The following CD109 variants were observed in gnomAD, a reference collection of about 807,000 sequenced individuals.
The protein encoded by CD109 is CD109 molecule, also known as CD109 antigen.
Under a neutral mutation model 165.8 loss-of-function variants are expected in CD109, and 149 were observed. The ratio of observed to expected loss-of-function variants is 0.90; its 90% CI spans 0.79 to 1.03. The LOEUF is 1.03. CD109 is among the 50% of genes least tolerant of loss of function. The pLI, the probability that CD109 is intolerant of heterozygous loss-of-function variation, is 0.00. For synonymous variants in CD109, 585 were observed against 592.1 expected (o/e 0.99, Z 0.18); for missense variants, 1,712 against 1,677.8 (o/e 1.02, Z -0.36).
intron 31 of CD109, among the ~76,000 whole-genome samples, chr6:73,819,708 G>A (rs12206630): frequency 2.3e-4 from 35 of 152,286 alleles, no homozygotes; most frequent in African/African-American, 8.4e-4. Context: ...TTGCTGTTTA[G>A]GAATTATCTT....
intron 2 of CD109, among the ~76,000 whole-genome samples, chr6:73,721,131 A>G (rs1253151762): frequency 6.6e-6 from 1 of 152,192 alleles, no homozygotes; most frequent in Admixed American, 6.5e-5. Context: ...ACCATGTTCA[A>G]TATCCTGTTA....
intron 5 of CD109, among the ~76,000 whole-genome samples, chr6:73,738,817 C>G (rs1008389667): frequency 2.6e-5 from 4 of 152,208 alleles, no homozygotes; most frequent in African/African-American, 9.7e-5. Context: ...CATTCTAGAG[C>G]CTTTCATCAT....
At position 73,782,823 on chromosome 6, in the gene CD109, C is replaced by T. The variant is rs756186815; in HGVS notation, c.2105+68C>T. On this transcript the variant is annotated intron_variant, in intron 18 of 32. Transcript: ENST00000287097. ...GTGTTTGTTTTAAATAAGCTTTGCC[C>T]GCTTTCTAATGTTTAAGTACAAACA... The T allele has an allele frequency of 4.2e-5, 63 of 1,492,732 alleles. 1 individual carries two copies. Among genetic ancestry groups the T allele is most frequent in the East Asian group, 1.6e-4 (7 of 43,964 alleles). 92.5% of individuals were successfully genotyped at this position (1,492,732 alleles called of 1,614,324 possible).
intron 15 of CD109, among the ~76,000 whole-genome samples, chr6:73,773,016 A>G (rs1221907011): frequency 6.6e-6 from 1 of 151,142 alleles, no homozygotes; most frequent in East Asian, 1.9e-4. Context: ...TGAATATAAT[A>G]GTATCTGTTA....
In CD109 at chr6:73,766,004, A is replaced by C. The variant is rs1773828216; in HGVS notation, c.1182A>C (p.Thr394=). 6.2e-7 allele frequency: 1 copy of C among 1,614,162 alleles called. No individual in the cohort carries two copies. The highest frequency in any genetic ancestry group is 8.5e-7 in the Non-Finnish European group (1 of 1,179,974). ...GAAATAATGTAGTCATAACAGTGACACAGAGAAACTATACTGAGTACTGGA... is the reference window on the plus strand; with the variant it reads ...GAAATAATGTAGTCATAACAGTGACCCAGAGAAACTATACTGAGTACTGGA... ...ERRNNVVITV[T]QRNYTEYWSG... The change falls in exon 11 of 33, where the codon ACA becomes ACC. Residue 394 remains threonine, a synonymous_variant. Coordinates refer to ENST00000287097, the MANE Select transcript of CD109 (RefSeq NM_133493.5).
chr6:73,699,492 A>G (rs1770978825), intron 2 of CD109, among the ~76,000 whole-genome samples: 1 of 152,164 alleles, frequency 6.6e-6, no homozygotes, highest in Non-Finnish European at 1.5e-5. Context: ...TACATACTCT[A>G]ATTCTAGAAT....
intron 2 of CD109, among the ~76,000 whole-genome samples, chr6:73,705,353 A>G (rs9446988): frequency 0.055 from 8,358 of 152,212 alleles, 284 homozygotes; most frequent in East Asian, 0.13. Flanking sequence ...TAATGAAGGG[A>G]AAAAGACCAG....
chr6:73,785,565 A>G (rs1774656122), intron 20 of CD109, 88 bp downstream of exon 20: 4 of 667,720 alleles, frequency 6.0e-6, no homozygotes, highest in African/African-American at 1.9e-5. Flanking sequence ...GTATCTGGGC[A>G]TTTGGGATTC....
Position 73,802,289 on chromosome 6 carries a change from G to GTATATA in CD109, c.2879-919_2879-914dup, listed in dbSNP as rs1554183442. On this transcript the variant is annotated intron_variant, in intron 23 of 32. Coordinates refer to ENST00000287097, the MANE Select transcript of CD109 (RefSeq NM_133493.5). ...TGTGTGTGTGTGTGTGTGTGTGTGT[G>GTATATA]TATATATATATATATATTTTTTTTT... Among the ~76,000 whole-genome samples, 455 of 78,124 alleles carry GTATATA rather than the reference G, an allele frequency of 5.8e-3. 3 individuals are homozygous for GTATATA. Among genetic ancestry groups the GTATATA allele is most frequent in the African/African-American group, 0.011 (190 of 16,606 alleles). 51.3% of individuals were successfully genotyped at this position (78,124 alleles called of 152,430 possible).
chr6:73,811,476 A>G (rs984688125), intron 28 of CD109, among the ~76,000 whole-genome samples: 3 of 152,150 alleles, frequency 2.0e-5, no homozygotes, highest in African/African-American at 4.8e-5. Context: ...AAGTAACTCT[A>G]AGAAGTAAGT....
intron 30 of CD109, among the ~76,000 whole-genome samples, chr6:73,816,071 C>T (rs143880163): frequency 6.6e-6 from 1 of 152,306 alleles, no homozygotes; most frequent in Non-Finnish European, 1.5e-5. Flanking sequence ...CCAGCCTTCA[C>T]AGCTATTGCC....
the CD109 span, among the ~76,000 whole-genome samples, chr6:73,684,936 T>A: frequency 4.1e-4 from 63 of 151,972 alleles, no homozygotes; most frequent in African/African-American, 1.4e-3. Flanking sequence ...TTTTCTTTTT[T>A]TTTTTTTGAG....
the CD109 span, among the ~76,000 whole-genome samples, chr6:73,684,214 G>A: frequency 8.8e-5 from 13 of 147,456 alleles, no homozygotes; most frequent in South Asian, 8.6e-4. Flanking sequence ...TTCTTTTGTC[G>A]TTCTTTCTTT....
rs954812530 is a variant in CD109, at chr6:73,717,764, C to T, written c.248-5487C>T. On this transcript the variant is annotated intron_variant, in intron 2 of 32. Coordinates refer to ENST00000287097, the MANE Select transcript of CD109 (RefSeq NM_133493.5). ...ACTTCCAAGTAGCTGGGACTACAGGCGCCTGCAACCACGCCCGGCTAATTT... is the reference window on the plus strand; with the variant it reads ...ACTTCCAAGTAGCTGGGACTACAGGTGCCTGCAACCACGCCCGGCTAATTT... 1.4e-4 allele frequency among the ~76,000 whole-genome samples: 21 copies of T among 151,654 alleles called. No individual in the cohort carries two copies. In the East Asian group the frequency reaches 3.1e-3, roughly 23 times the overall value.
At chr6:73,775,655 A>T (rs894520684) in intron 15 of CD109, among the ~76,000 whole-genome samples, 3 of 152,056 alleles carry the variant, frequency 2.0e-5, no homozygotes, top group East Asian at 3.9e-4. Flanking sequence ...ATTTTTCATG[A>T]TCCTCTCCCT....
At chr6:73,755,042 G>A (rs1334759195) in intron 5 of CD109, among the ~76,000 whole-genome samples, 2 of 152,192 alleles carry the variant, frequency 1.3e-5, no homozygotes, top group East Asian at 3.8e-4. Flanking sequence ...TTATTCCATA[G>A]TCTTGTCTGT....
intron 23 of CD109, among the ~76,000 whole-genome samples, chr6:73,800,499 C>CA (rs1775323872): frequency 6.6e-6 from 1 of 152,152 alleles, no homozygotes; most frequent in South Asian, 2.1e-4. Flanking sequence ...AGGGTAAAGA[C>CA]ATTCCCCTAC....
intron 6 of CD109, among the ~76,000 whole-genome samples, chr6:73,757,615 G>A (rs1773445148): frequency 6.6e-6 from 1 of 152,110 alleles, no homozygotes; most frequent in Non-Finnish European, 1.5e-5. Flanking sequence ...TGTGGCTGTT[G>A]AGCACTTCAA....
intron 20 of CD109, among the ~76,000 whole-genome samples, chr6:73,786,482 C>T (rs928567504): frequency 1.3e-5 from 2 of 151,482 alleles, no homozygotes; most frequent in Non-Finnish European, 2.9e-5. Context: ...TACTTTTTAA[C>T]CCAGTTATCA....
Sources: gnomAD v4.1 joint callset for allele counts (sites outside exome capture counted in the v4.1 genomes callset) on GRCh38, gnomAD v4.1.1 for gene constraint, MANE v1.5 for transcripts, NCBI Gene and HGNC (gene_info 2026-07-23, HGNC 2026-07-21) for gene names.